The following CUX1 variants were observed in gnomAD, a reference collection of about 807,000 sequenced individuals.
The protein encoded by CUX1 is cut like homeobox 1.
In CUX1, 31 loss-of-function variants were observed where a neutral mutation model predicts 158.8. The observed-to-expected ratio is 0.20, with a 90% confidence interval of 0.15 to 0.26. The LOEUF is 0.26. Ranked by LOEUF, CUX1 falls within the 10% of genes least tolerant of loss-of-function variation. The pLI is 1.00. For synonymous variants in CUX1, 879 were observed against 862.1 expected (o/e 1.02, Z -0.34); for missense variants, 1,589 against 2,014.6 (o/e 0.79, Z 4.04).
intron 1 of CUX1, among the ~76,000 whole-genome samples, chr7:101,890,660 A>T (rs1800784740): frequency 6.6e-6 from 1 of 152,124 alleles, no homozygotes; most frequent in African/African-American, 2.4e-5. Context: ...TGGTGCGAAA[A>T]TAGCAGCTTG....
chr7:102,099,363 C>T (rs188940646), intron 5 of CUX1, among the ~76,000 whole-genome samples: 7 of 152,146 alleles, frequency 4.6e-5, no homozygotes, highest in African/African-American at 9.6e-5. Flanking sequence ...TATTACCTTC[C>T]CTTGTAGGAA....
chr7:101,816,012 C>T (rs888056406), upstream of CUX1: 7 of 1,411,568 alleles, frequency 5.0e-6, no homozygotes, highest in Admixed American at 2.0e-5. Flanking sequence ...CCGCTCACTC[C>T]GTCTCAATAT....
chr7:102,021,204 C>G (rs1383639168), intron 2 of CUX1, among the ~76,000 whole-genome samples: 1 of 152,180 alleles, frequency 6.6e-6, no homozygotes, highest in Non-Finnish European at 1.5e-5. Flanking sequence ...GGGGTACCAC[C>G]AAGAGATGTT....
intron 20 of CUX1, among the ~76,000 whole-genome samples, chr7:102,226,581 A>G (rs1238268438): frequency 6.6e-6 from 1 of 152,194 alleles, no homozygotes; most frequent in Non-Finnish European, 1.5e-5. Context: ...CCTGAGACCC[A>G]GTGCTGGAGG....
Position 102,205,148 on chromosome 7 carries a change from G to A in CUX1, c.3108G>A (p.Leu1036=), listed in dbSNP as rs1554520753. The part of the protein sequence containing the change: ...LHSVTSLQDP[L]QQGCVSSEST... Reference sequence around the variant, plus strand: ...CCGTGACATCGCTCCAGGACCCGCTGCAGCAGGGCTGTGTGAGCTCAGGTA... The same window carrying A: ...CCGTGACATCGCTCCAGGACCCGCTACAGCAGGGCTGTGTGAGCTCAGGTA... The change falls in exon 20 of 24, where the codon CTG becomes CTA. Residue 1036 remains leucine, a synonymous_variant. Coordinates refer to ENST00000292535, the MANE Select transcript of CUX1 (RefSeq NM_181552.4). 1 of 1,612,006 alleles carries A rather than the reference G, an allele frequency of 6.2e-7. No individual in the cohort carries two copies. The highest frequency in any genetic ancestry group is 1.1e-5 in the South Asian group (1 of 91,022).
intron 2 of CUX1, among the ~76,000 whole-genome samples, chr7:101,923,039 G>A (rs994021757): frequency 4.6e-5 from 7 of 152,232 alleles, no homozygotes; most frequent in East Asian, 1.9e-4. Flanking sequence ...CCGATTTCCC[G>A]CGTGTGTGAT....
intron 3 of CUX1, among the ~76,000 whole-genome samples, chr7:102,070,030 T>G (rs1206784774): frequency 1.3e-5 from 2 of 152,202 alleles, no homozygotes; most frequent in African/African-American, 4.8e-5. Context: ...TGGCCAGCTC[T>G]TAAGTCAGCA....
At chr7:102,272,471 G>A (rs1293440065) in intron 14 of CUX1, among the ~76,000 whole-genome samples, 6 of 152,226 alleles carry the variant, frequency 3.9e-5, no homozygotes, top group African/African-American at 1.2e-4. Flanking sequence ...CTCCCTCTCT[G>A]CGGCCCCAAC....
chr7:102,133,293 C>T (rs1450252248), intron 8 of CUX1, among the ~76,000 whole-genome samples: 1 of 151,934 alleles, frequency 6.6e-6, no homozygotes, highest in Non-Finnish European at 1.5e-5. Flanking sequence ...CACCTTGCAG[C>T]CGGTTCTACC....
At chr7:102,131,300 T>C (rs1177797847) in intron 8 of CUX1, among the ~76,000 whole-genome samples, 7 of 152,136 alleles carry the variant, frequency 4.6e-5, no homozygotes, top group Non-Finnish European at 7.3e-5. Flanking sequence ...ATTGTCATTT[T>C]CTTATAGTAG....
chr7:102,075,753 T>C (rs1826636723), intron 4 of CUX1, among the ~76,000 whole-genome samples: 1 of 152,228 alleles, frequency 6.6e-6, no homozygotes, highest in African/African-American at 2.4e-5. Context: ...TATTGAGTTG[T>C]AGCAGTTTAA....
intron 21 of CUX1, among the ~76,000 whole-genome samples, chr7:102,231,283 A>G (rs552279293): frequency 4.5e-4 from 67 of 150,396 alleles, no homozygotes; most frequent in African/African-American, 1.4e-3. Context: ...GCCCGCCTCA[A>G]CCTCCCAAAG....
intron 10 of CUX1, among the ~76,000 whole-genome samples, chr7:102,173,860 G>C (rs1167950399): frequency 1.3e-5 from 2 of 152,184 alleles, no homozygotes; most frequent in Non-Finnish European, 2.9e-5. Flanking sequence ...CCCCGCGGGC[G>C]TGTATTCCCA....
At chr7:102,258,697 G>A (rs1202940540), downstream of CUX1, among the ~76,000 whole-genome samples, 4 of 152,206 alleles carry the variant, frequency 2.6e-5, no homozygotes, top group Non-Finnish European at 5.9e-5. Flanking sequence ...CCAGGACTAC[G>A]GCCAGTCTCC....
rs575038481 is a variant in CUX1, at chr7:102,024,771, C to CT, written c.142-3323dup. Among the ~76,000 whole-genome samples the CT allele has an allele frequency of 4.8e-3, 738 of 152,296 alleles. 6 individuals carry two copies. The highest frequency in any genetic ancestry group is 0.017 in the African/African-American group (709 of 41,576). On this transcript the variant is annotated intron_variant, in intron 2 of 23. Coordinates refer to ENST00000292535, the MANE Select transcript of CUX1 (RefSeq NM_181552.4). ...CATCATTCTTTACGCCTTCCACACT[C>CT]TTTTCCCTTGTTACCCTTTGTGTTA...
intron 1 of CUX1, among the ~76,000 whole-genome samples, chr7:101,821,676 T>TTTTC (rs1792592121): frequency 1.1e-5 from 1 of 95,084 alleles, no homozygotes; most frequent in Non-Finnish European, 2.1e-5. Context: ...TTTTTCTTTT[T>TTTTC]TTTTTTTTTT....
At chr7:101,961,137 C>T (rs190223509) in intron 2 of CUX1, 1 of 152,288 alleles carries the variant, frequency 6.6e-6, no homozygotes, top group East Asian at 1.9e-4. Flanking sequence ...GCCCAGGAGA[C>T]AGGCTGGCCA....
intron 8 of CUX1, among the ~76,000 whole-genome samples, chr7:102,156,396 G>A (rs1183958584): frequency 2.0e-5 from 3 of 152,098 alleles, no homozygotes; most frequent in African/African-American, 7.2e-5. Flanking sequence ...AGGTGGATGC[G>A]TGCCAAGAGG....
intron 20 of CUX1, among the ~76,000 whole-genome samples, chr7:102,216,224 G>A (rs956486148): frequency 5.3e-5 from 8 of 152,008 alleles, no homozygotes; most frequent in South Asian, 2.1e-4. Flanking sequence ...AGGCTGAGGC[G>A]GAAGGATCAT....
Sources: gnomAD v4.1 joint callset for allele counts (sites outside exome capture counted in the v4.1 genomes callset) on GRCh38, gnomAD v4.1.1 for gene constraint, MANE v1.5 for transcripts, NCBI Gene and HGNC (gene_info 2026-07-23, HGNC 2026-07-21) for gene names.